RGS6: variants seen among roughly 807,000 people sequenced by gnomAD.
The protein encoded by RGS6 is regulator of G-protein signaling 6.
In RGS6, 30 loss-of-function variants were observed where a neutral mutation model predicts 78.5. The ratio of observed to expected loss-of-function variants is 0.38; its 90% confidence interval spans 0.29 to 0.52. RGS6 has a LOEUF of 0.52. RGS6 is among the 20% of genes least tolerant of loss of function. The probability of loss-of-function intolerance (pLI) is 0.85; values close to 1 mark genes in which losing one functional copy is unlikely to be tolerated. For synonymous variants in RGS6, 206 were observed against 206.0 expected (o/e 1.00, Z 0.00); for missense variants, 495 against 609.7 (o/e 0.81, Z 1.98).
intron 1 of RGS6, among the ~76,000 whole-genome samples, chr14:71,948,040 T>A (rs2091790475): frequency 1.3e-5 from 2 of 152,154 alleles, no homozygotes; most frequent in African/African-American, 4.8e-5. Context: ...AGAAATAAAT[T>A]TATCTGACCA....
intron 17 of RGS6, chr14:72,541,662 C>T: frequency 6.6e-7 from 1 of 1,526,704 alleles, no homozygotes; most frequent in Non-Finnish European, 8.8e-7. Context: ...CTTTTGAGGA[C>T]TGGCTACTGT....
the RGS6 span, among the ~76,000 whole-genome samples, chr14:72,614,866 G>C: frequency 6.8e-6 from 1 of 146,520 alleles, no homozygotes; most frequent in Non-Finnish European, 1.5e-5. Context: ...AGGACATCCA[G>C]CTCTCTGCCT....
chr14:72,407,471 A>G (rs2093033488), intron 3 of RGS6, among the ~76,000 whole-genome samples: 1 of 152,232 alleles, frequency 6.6e-6, no homozygotes, highest in Non-Finnish European at 1.5e-5. Flanking sequence ...GAATTGGCTC[A>G]TGTGATTACG....
At chr14:72,593,905 T>C in the RGS6 span, among the ~76,000 whole-genome samples, 4 of 137,278 alleles carry the variant, frequency 2.9e-5, no homozygotes, top group Non-Finnish European at 6.2e-5. Flanking sequence ...TGTAGTTCAT[T>C]TGGTGCACCC....
chr14:71,909,847 A>G, the RGS6 span, among the ~76,000 whole-genome samples: 1 of 152,156 alleles, frequency 6.6e-6, no homozygotes, highest in Non-Finnish European at 1.5e-5. Context: ...TGTCACCCCA[A>G]AATGAGCCTC....
chr14:71,933,477 C>A (rs1398613979), intron 1 of RGS6, among the ~76,000 whole-genome samples: 1 of 152,080 alleles, frequency 6.6e-6, no homozygotes, highest in African/African-American at 2.4e-5. Context: ...GGTGGCTATT[C>A]GCTTGGAGAG....
At chr14:71,953,325 T>C (rs1333791763) in intron 1 of RGS6, among the ~76,000 whole-genome samples, 1 of 152,174 alleles carries the variant, frequency 6.6e-6, no homozygotes, top group Non-Finnish European at 1.5e-5. Context: ...CTGTGGGCCA[T>C]ACAGTCCCTG....
intron 13 of RGS6, among the ~76,000 whole-genome samples, chr14:72,496,736 G>A (rs1172575254): frequency 1.3e-5 from 2 of 152,186 alleles, no homozygotes; most frequent in Non-Finnish European, 2.9e-5. Context: ...AGGGTACCAT[G>A]AGCTCAGCAA....
chr14:72,277,297 C>T (rs1423199855), intron 2 of RGS6, among the ~76,000 whole-genome samples: 1 of 152,210 alleles, frequency 6.6e-6, no homozygotes, highest in Non-Finnish European at 1.5e-5. Flanking sequence ...CCATTGTTTG[C>T]CTTTTAAATA....
At chr14:72,223,999 G>C (rs947257950) in intron 2 of RGS6, among the ~76,000 whole-genome samples, 10 of 152,192 alleles carry the variant, frequency 6.6e-5, no homozygotes, top group African/African-American at 2.2e-4. Context: ...GTATAGCAAA[G>C]ACATCAAAAC....
At chr14:71,965,761 G>A (rs927385067) in intron 2 of RGS6, among the ~76,000 whole-genome samples, 2 of 152,026 alleles carry the variant, frequency 1.3e-5, no homozygotes, top group South Asian at 4.1e-4. Context: ...GAGGCTCTAG[G>A]AGAGAGATTT....
chr14:71,924,698 C>T, the RGS6 span, among the ~76,000 whole-genome samples: 8 of 152,186 alleles, frequency 5.3e-5, no homozygotes, highest in Admixed American at 2.6e-4. Flanking sequence ...CTTTCAGTTT[C>T]ATTCATGTAG....
the RGS6 span, among the ~76,000 whole-genome samples, chr14:72,621,347 T>C: frequency 3.3e-5 from 5 of 150,846 alleles, no homozygotes; most frequent in African/African-American, 9.9e-5. Flanking sequence ...CCCCACCCCC[T>C]AGTTTCAGCT....
chr14:72,132,613 T>C (rs1258207359), intron 2 of RGS6, among the ~76,000 whole-genome samples: 24 of 152,122 alleles, frequency 1.6e-4, no homozygotes, highest in Admixed American at 1.6e-3. Flanking sequence ...TTGTTGCATG[T>C]GTCAATCATT....
At chr14:72,194,116 G>A (rs187254638) in intron 2 of RGS6, among the ~76,000 whole-genome samples, 2 of 152,262 alleles carry the variant, frequency 1.3e-5, no homozygotes, top group African/African-American at 4.8e-5. Context: ...GGATTGGGGT[G>A]TTGGCAGTGG....
chr14:72,118,853 G>T (rs902351711), intron 2 of RGS6, among the ~76,000 whole-genome samples: 10 of 152,214 alleles, frequency 6.6e-5, no homozygotes, highest in Admixed American at 2.0e-4. Flanking sequence ...TGGTTTTGGT[G>T]TTGAAAGAGT....
chr14:71,955,029 T>C (rs865921230), intron 1 of RGS6, among the ~76,000 whole-genome samples: 3 of 152,142 alleles, frequency 2.0e-5, no homozygotes, highest in Non-Finnish European at 4.4e-5. Context: ...CTGAGGTAGG[T>C]AGGCACTTAG....
intron 2 of RGS6, among the ~76,000 whole-genome samples, chr14:72,308,769 G>T (rs1363342290): frequency 3.9e-5 from 6 of 152,154 alleles, no homozygotes. Flanking sequence ...CCAAAAGGGG[G>T]TGCAATATTT....
intron 2 of RGS6, among the ~76,000 whole-genome samples, chr14:71,997,481 T>C (rs1422310274): frequency 6.6e-6 from 1 of 152,188 alleles, no homozygotes; most frequent in Non-Finnish European, 1.5e-5. Context: ...CTTCAGAAAT[T>C]ATATTAAAAT....
Sources: gnomAD v4.1 joint callset for allele counts (sites outside exome capture counted in the v4.1 genomes callset) on GRCh38, gnomAD v4.1.1 for gene constraint, MANE v1.5 for transcripts, NCBI Gene and HGNC (gene_info 2026-07-23, HGNC 2026-07-21) for gene names.